Variants in DLGAP1 observed in about 807,000 individuals in gnomAD.
DLGAP1 encodes DLG associated protein 1.
DLGAP1 carries 11 observed loss-of-function variants against 90.8 expected under a neutral mutation model. The observed-to-expected ratio is 0.12, with a 90% CI of 0.08 to 0.20. DLGAP1 has a LOEUF of 0.20. Among genes scored for constraint, DLGAP1 ranks in the 10% least tolerant of loss-of-function variants. The pLI, the probability that DLGAP1 is intolerant of heterozygous loss-of-function variation, is 1.00. For synonymous variants in DLGAP1, 558 were observed against 540.7 expected, an observed-to-expected ratio of 1.03 and a Z score of -0.44; for missense variants, 1,050 against 1,333.8, an observed-to-expected ratio of 0.79 and a Z score of 3.31.
intron 9 of DLGAP1, among the ~76,000 whole-genome samples, chr18:3,552,580 C>A (rs1415989164): frequency 2.6e-5 from 4 of 152,176 alleles, no homozygotes; most frequent in Non-Finnish European, 5.9e-5. Flanking sequence ...CCTAAGAAGG[C>A]TCAGGGCAGT....
intron 1 of DLGAP1, among the ~76,000 whole-genome samples, chr18:4,216,291 AC>A (rs11334039): frequency 0.61 from 89,705 of 146,210 alleles, 26,990 homozygotes; most frequent in East Asian, 0.81. Context: ...TGATTAAATT[AC>A]CCCCCCCCCA....
intron 3 of DLGAP1, among the ~76,000 whole-genome samples, chr18:3,996,843 A>C (rs2074081669): frequency 6.6e-6 from 1 of 152,058 alleles, no homozygotes; most frequent in Non-Finnish European, 1.5e-5. Flanking sequence ...GCAAATGTAT[A>C]GGCTTTTTAT....
At chr18:4,329,880 A>G (rs611050) in intron 1 of DLGAP1, among the ~76,000 whole-genome samples, 79,277 of 151,888 alleles carry the variant, frequency 0.52, 21,158 homozygotes, top group South Asian at 0.6. Context: ...AGGATATTGC[A>G]GACCCCATAA....
intron 7 of DLGAP1, among the ~76,000 whole-genome samples, chr18:3,700,443 T>C (rs1046260398): frequency 5.3e-5 from 8 of 152,092 alleles, no homozygotes; most frequent in African/African-American, 1.9e-4. Flanking sequence ...TCGCCCTCTG[T>C]GGGCTATACC....
chr18:3,867,278 C>G (rs912759081), intron 4 of DLGAP1, among the ~76,000 whole-genome samples: 4 of 152,166 alleles, frequency 2.6e-5, no homozygotes, highest in African/African-American at 9.7e-5. Flanking sequence ...AACTGAGGGC[C>G]ATGGAAATGC....
At position 3,879,388 on chromosome 18, in the gene DLGAP1, G is replaced by A. The variant is rs1044349956; in HGVS notation, c.681C>T (p.Cys227=). 4 of 1,613,102 alleles carry A rather than the reference G, an allele frequency of 2.5e-6. No individual in the cohort carries two copies. The African/African-American group carries it at 5.3e-5, about 22-fold the overall frequency. ...APSGVMTMGR[C]PDRSASQYFL... The stretch of plus-strand genomic sequence containing the variant: ...AGTACTGTGAGGCCGAGCGGTCGGG[G>A]CACCTGCCCATGGTCATCACGCCCG... The change falls in exon 4 of 13, where the codon TGC becomes TGT. Residue 227 remains cysteine, a synonymous_variant. Transcript: ENST00000315677. This position sits in a 1 kb window ranked among gnomAD's most constrained non-coding sequence, Gnocchi z 6.6.
intron 1 of DLGAP1, among the ~76,000 whole-genome samples, chr18:4,227,462 G>A (rs1227739311): frequency 6.6e-6 from 1 of 151,506 alleles, no homozygotes; most frequent in Non-Finnish European, 1.5e-5. Flanking sequence ...CAGAAAACTA[G>A]TCTTAAGACA....
chr18:4,255,501 GAA>G (rs57248045), intron 1 of DLGAP1, among the ~76,000 whole-genome samples: 117 of 135,006 alleles, frequency 8.7e-4, no homozygotes, highest in African/African-American at 3.6e-3. Context: ...ATATACAGAT[GAA>G]AAAAAAAATA....
intron 1 of DLGAP1, among the ~76,000 whole-genome samples, chr18:4,306,984 T>C (rs1050881499): frequency 6.6e-6 from 1 of 152,214 alleles, no homozygotes; most frequent in Non-Finnish European, 1.5e-5. Flanking sequence ...TTAAAAGGCA[T>C]ACAATTTGAT....
chr18:3,864,855 T>C (rs2070291777), intron 4 of DLGAP1, among the ~76,000 whole-genome samples: 6 of 152,172 alleles, frequency 3.9e-5, no homozygotes, highest in Admixed American at 3.9e-4. Flanking sequence ...CAATTTTACT[T>C]TGATGGGTAA....
At chr18:4,073,690 T>G (rs902278225) in intron 2 of DLGAP1, among the ~76,000 whole-genome samples, 1 of 152,114 alleles carries the variant, frequency 6.6e-6, no homozygotes, top group Admixed American at 6.6e-5. Context: ...TTCCAATGAA[T>G]GTTTTTTAAA....
chr18:3,735,263 A>G (rs1460258288), intron 6 of DLGAP1, among the ~76,000 whole-genome samples: 1 of 152,238 alleles, frequency 6.6e-6, no homozygotes, highest in Non-Finnish European at 1.5e-5. Context: ...CTTGTCACCC[A>G]GGCTGGAGTG....
At chr18:3,855,885 A>G (rs2069612838) in intron 4 of DLGAP1, among the ~76,000 whole-genome samples, 2 of 152,232 alleles carry the variant, frequency 1.3e-5, no homozygotes, top group Non-Finnish European at 2.9e-5. Flanking sequence ...TGCTGGGATT[A>G]CAGGCGTGAG....
chr18:3,799,224 C>T (rs1013087671), intron 5 of DLGAP1, among the ~76,000 whole-genome samples: 1 of 152,184 alleles, frequency 6.6e-6, no homozygotes, highest in African/African-American at 2.4e-5. Flanking sequence ...AAGTCACTCA[C>T]ATAAGGCTGC....
At chr18:4,269,179 A>G (rs1160677615) in intron 1 of DLGAP1, among the ~76,000 whole-genome samples, 2 of 151,682 alleles carry the variant, frequency 1.3e-5, no homozygotes, top group African/African-American at 4.8e-5. Flanking sequence ...TAGTAAATGT[A>G]TCCAACAAAC....
chr18:4,214,311 AT>A (rs71160947), intron 1 of DLGAP1, among the ~76,000 whole-genome samples: 26 of 148,280 alleles, frequency 1.8e-4, no homozygotes, highest in Admixed American at 3.4e-4. Flanking sequence ...AAGGAAACAG[AT>A]TTTTTTTTTT....
At chr18:3,873,638 T>C (rs1400398796) in intron 4 of DLGAP1, among the ~76,000 whole-genome samples, 5 of 152,132 alleles carry the variant, frequency 3.3e-5, no homozygotes, top group African/African-American at 1.2e-4. Flanking sequence ...TGGGCAAAGA[T>C]GGAAATAATC....
rs181564219 is a variant in DLGAP1, at chr18:3,630,564, T to G, written c.1592-48316A>C. On this transcript the variant is annotated intron_variant, in intron 7 of 12. Coordinates refer to ENST00000315677, the MANE Select transcript of DLGAP1 (RefSeq NM_004746.4). ...AAGAACCCTGGCTAATACAAAGGTA[T>G]AGTCCAATTTTATTTTATTTTTTTT... is the stretch of plus-strand genomic sequence containing the variant. 1.6e-4 allele frequency among the ~76,000 whole-genome samples: 24 copies of G among 152,332 alleles called. No homozygotes were observed. The East Asian group carries it at 4.3e-3, about 27-fold the overall frequency.
intron 5 of DLGAP1, among the ~76,000 whole-genome samples, chr18:3,759,124 T>C (rs1326305057): frequency 6.6e-6 from 1 of 152,120 alleles, no homozygotes; most frequent in Non-Finnish European, 1.5e-5. Context: ...ACATTGCTAT[T>C]GTGAAGAGCT....
Sources: allele counts gnomAD v4.1 joint callset (sites outside exome capture counted in the v4.1 genomes callset), GRCh38; gene constraint gnomAD v4.1.1; non-coding constraint Gnocchi (gnomAD v3.1); transcripts MANE v1.5; gene names NCBI Gene and HGNC (gene_info 2026-07-23, HGNC 2026-07-21).